The following SEMA7A variants were observed in gnomAD, a reference collection of about 807,000 sequenced individuals.
The protein encoded by SEMA7A is semaphorin 7A (JohnMiltonHagen blood group), also known as semaphorin-7A.
SEMA7A carries 21 observed loss-of-function variants against 67.5 expected under a neutral mutation model. The ratio of observed to expected loss-of-function variants is 0.31; its 90% CI spans 0.22 to 0.45. The LOEUF (loss-of-function observed/expected upper bound fraction) is 0.45. SEMA7A is among the 20% of genes least tolerant of loss of function. The probability of loss-of-function intolerance (pLI) is 1.00; values close to 1 mark genes in which losing one functional copy is unlikely to be tolerated. For missense variants in SEMA7A, 774 were observed against 908.6 expected (o/e 0.85, Z 1.90); for synonymous variants, 364 against 368.5 (o/e 0.99, Z 0.14).
chr15:74,414,532 G>C lies in SEMA7A; in HGVS notation c.1294+15C>G. The C allele has an allele frequency of 1.2e-6, 2 of 1,612,650 alleles. No homozygotes were observed. The highest frequency in any genetic ancestry group is 1.7e-5 in the Admixed American group (1 of 60,014). On this transcript the variant is annotated intron_variant, in intron 10 of 13. Coordinates refer to ENST00000261918, the MANE Select transcript of SEMA7A (RefSeq NM_003612.5). This position sits in a 1 kb window ranked among gnomAD's most constrained non-coding sequence, Gnocchi z 4.1. ...TTTTACAAAGCAAACTGAGGGTCCC[G>C]GGGTAGCCTCTCACCTGTAGTTAGG...
intron 6 of SEMA7A, 37 bp downstream of exon 6, chr15:74,417,298 C>G (rs772704790): frequency 6.5e-7 from 1 of 1,540,986 alleles, no homozygotes; most frequent in South Asian, 1.1e-5. Flanking sequence ...GCTCACACCC[C>G]CTTGCCCACC....
chr15:74,415,082 G>T, intron 8 of SEMA7A, 136 bp from the exon 9 acceptor site: 1 of 701,090 alleles, frequency 1.4e-6, no homozygotes. Flanking sequence ...GAGGAGGAAG[G>T]AGAGGAGTTC....
At position 74,419,333 on chromosome 15, in the gene SEMA7A, C is replaced by T. The variant is rs549911811; in HGVS notation, c.179-381G>A. ...AGGCAGGAGGACCAGGGCTCCTTGG[C>T]CATGCTCTGGGAGGTTCTCTGCTGC... On this transcript the variant is annotated intron_variant, in intron 1 of 13. Coordinates refer to ENST00000261918, the MANE Select transcript of SEMA7A (RefSeq NM_003612.5). 7.9e-4 allele frequency among the ~76,000 whole-genome samples: 120 copies of T among 152,266 alleles called. 1 individual carries two copies. The highest frequency in any genetic ancestry group is 2.2e-3 in the African/African-American group (93 of 41,542).
At chr15:74,433,541 C>T (rs1054156938) in intron 1 of SEMA7A, 200 bp downstream of exon 1, 3 of 1,208,494 alleles carry the variant, frequency 2.5e-6, no homozygotes, top group African/African-American at 3.2e-5. Context: ...CTCGCCGCAG[C>T]GTTACAGCCG....
chr15:74,416,778 C>T (rs1201710469), intron 6 of SEMA7A, 64 bp from the exon 7 acceptor site: 2 of 1,555,800 alleles, frequency 1.3e-6, no homozygotes, highest in Non-Finnish European at 1.8e-6. Flanking sequence ...CATCCCAACC[C>T]TGCACACTCT....
chr15:74,419,757 C>T (rs896581176), intron 1 of SEMA7A, among the ~76,000 whole-genome samples: 2 of 152,122 alleles, frequency 1.3e-5, no homozygotes, highest in East Asian at 1.9e-4. Context: ...GGGTGAAGAT[C>T]GGCTCTTCCT....
chr15:74,417,014 G>A (rs1024064216), intron 6 of SEMA7A, among the ~76,000 whole-genome samples: 9 of 152,178 alleles, frequency 5.9e-5, no homozygotes, highest in African/African-American at 2.2e-4. Context: ...AATTGGCAGA[G>A]CCCTGATGAG....
chr15:74,410,509 C>G lies in SEMA7A; in HGVS notation c.*115G>C, dbSNP rs2060889571. The G allele has an allele frequency of 1.4e-6, 2 of 1,440,516 alleles. No homozygotes were observed. Among genetic ancestry groups the G allele is most frequent in the Admixed American group, 4.5e-5 (2 of 44,012 alleles). 89.2% of individuals were successfully genotyped at this position (1,440,516 alleles called of 1,614,324 possible). On this transcript the variant is annotated 3_prime_UTR_variant, in exon 14 of 14. Transcript: ENST00000261918. The surrounding 1 kb of genome is among the most constrained non-coding windows in gnomAD (Gnocchi z 7.5). ...GCCTGGCATCCTCCACTGGGTTATT[C>G]TGTCCCCTGGAAGAAGTGGCAGGCA... is the stretch of plus-strand genomic sequence containing the variant.
intron 1 of SEMA7A, among the ~76,000 whole-genome samples, chr15:74,421,473 C>T (rs530866247): frequency 3.9e-5 from 6 of 152,248 alleles, no homozygotes; most frequent in African/African-American, 9.6e-5. Flanking sequence ...AGGGACTGTT[C>T]GTCCCATTTT....
chr15:74,417,201 A>G lies in SEMA7A; in HGVS notation c.661+134T>C, dbSNP rs2060957770. On this transcript the variant is annotated intron_variant, in intron 6 of 13. Coordinates refer to ENST00000261918, the MANE Select transcript of SEMA7A (RefSeq NM_003612.5). Reference sequence around the variant, plus strand: ...CAGCCAACCCTAACTTCTCAGGCCTATACCAAGGTCCTGCTTTCCTGCATG... The same window carrying G: ...CAGCCAACCCTAACTTCTCAGGCCTGTACCAAGGTCCTGCTTTCCTGCATG... 9.6e-6 allele frequency: 7 copies of G among 726,330 alleles called. No homozygotes were observed. In the Admixed American group the frequency reaches 1.4e-4, roughly 15 times the overall value. 45.0% of individuals were successfully genotyped at this position (726,330 alleles called of 1,614,324 possible).
At position 74,410,957 on chromosome 15, in the gene SEMA7A, C is replaced by T. The variant is rs779020867; in HGVS notation, c.1668G>A (p.Leu556=). 6.2e-7 allele frequency: 1 copy of T among 1,613,744 alleles called. No individual in the cohort carries two copies. The highest frequency in any genetic ancestry group is 1.7e-5 in the Admixed American group (1 of 60,012). Residue 556 remains leucine (L), a synonymous_variant, in exon 14 of 14, where the codon CTG becomes CTA. Transcript: ENST00000261918. The surrounding 1 kb of genome is among the most constrained non-coding windows in gnomAD (Gnocchi z 7.5). The part of the protein sequence containing the change: ...PDKAPLQKVS[L]APNSRYYLSC... ...TCAGGTAGTAGCGAGAGTTTGGGGC[C>T]AGGGAAACCTTCTGCAGTGGGGCCT...
rs1196532467 is a variant in SEMA7A at position 74,418,378 on chromosome 15, A to G, written c.331-69T>C. On this transcript the variant is annotated intron_variant, in intron 2 of 13. Transcript: ENST00000261918. ...GGTACCCCTGAAATGCTTTCCACAC[A>G]GCCTCAGGATAAGCCCCAAAGGAAG... is the stretch of plus-strand genomic sequence containing the variant. 6 of 1,485,182 alleles carry G rather than the reference A, an allele frequency of 4.0e-6. No homozygotes were observed. In the Admixed American group the frequency reaches 1.1e-4, roughly 27 times the overall value. 92.0% of individuals were successfully genotyped at this position (1,485,182 alleles called of 1,614,324 possible). A position where few individuals can be genotyped will look rare whatever the true frequency, so the allele number is the denominator to read the frequency against.
chr15:74,414,418 T>TGACA lies in SEMA7A; in HGVS notation c.1294+125_1294+128dup, dbSNP rs1404448010. On this transcript the variant is annotated intron_variant, in intron 10 of 13. Transcript: ENST00000261918. The surrounding 1 kb of genome is among the most constrained non-coding windows in gnomAD (Gnocchi z 4.1). ...TTCCACACCCACACACATTAACCCCTGACAACTCCAGTCACTCAATTATTC... is the reference window on the plus strand; with the variant it reads ...TTCCACACCCACACACATTAACCCCTGACAGACAACTCCAGTCACTCAATTATTC... The TGACA allele has an allele frequency of 1.7e-5, 17 of 1,017,812 alleles. No individual in the cohort carries two copies. In the African/African-American group the frequency reaches 2.4e-4, roughly 14 times the overall value. 63.0% of individuals were successfully genotyped at this position (1,017,812 alleles called of 1,614,324 possible).
chr15:74,430,094 C>G (rs1421404427), intron 1 of SEMA7A, among the ~76,000 whole-genome samples: 5 of 152,130 alleles, frequency 3.3e-5, no homozygotes, highest in Non-Finnish European at 7.4e-5. Context: ...TCACCAGATC[C>G]CCAAGCTCAT....
chr15:74,409,404 C>T lies in SEMA7A; in HGVS notation c.*1220G>A, dbSNP rs2060879626. On this transcript the variant is annotated 3_prime_UTR_variant, in exon 14 of 14. Coordinates refer to ENST00000261918, the MANE Select transcript of SEMA7A (RefSeq NM_003612.5). ...CCAGCCACTGCCCTGGGTGGCCAGA[C>T]ACAGCCGGAGAAGGGCCCAGCTCCC... The T allele has an allele frequency of 6.6e-6, 1 of 152,334 alleles. No individual in the cohort carries two copies. The allele number at this position is 152,334 out of a possible 1,614,324, so 9.4% of individuals were successfully genotyped here. A position where few individuals can be genotyped will look rare whatever the true frequency, so the allele number is the denominator to read the frequency against.
intron 3 of SEMA7A, 39 bp from the exon 4 acceptor site, chr15:74,418,008 G>C: frequency 3.7e-6 from 6 of 1,602,758 alleles, no homozygotes; most frequent in Non-Finnish European, 5.1e-6. Context: ...GAAATTGGTT[G>C]CTGGAAGGCC....
Position 74,411,297 on chromosome 15 carries a change from G to A in SEMA7A, c.1637C>T (p.Pro546Leu), listed in dbSNP as rs1292673200. ...EPHKECPNPKPDKAPLQKVSL... is the reference protein window; with the variant it reads ...EPHKECPNPKLDKAPLQKVSL... Reference sequence around the variant, plus strand: ...GCCAGCAGGGCCAGATCAGGTACCTGGTTTGGGGTTGGGACACTCCTTGTG... The same window carrying A: ...GCCAGCAGGGCCAGATCAGGTACCTAGTTTGGGGTTGGGACACTCCTTGTG... Residue 546 changes from proline to leucine, a missense_variant and splice_region_variant, in exon 13 of 14, where the codon CCA becomes CTA. Pro to Leu is a moderately conservative substitution (Grantham distance 98). This residue lies in a region of SEMA7A where 427 missense variants were observed against 555.4 expected (regional missense o/e 0.77). Transcript: ENST00000261918. The surrounding 1 kb of genome is among the most constrained non-coding windows in gnomAD (Gnocchi z 4.4). 6.2e-7 allele frequency: 1 copy of A among 1,614,000 alleles called. No individual in the cohort carries two copies.
rs1215795619 is a variant in SEMA7A at position 74,411,597 on chromosome 15, G to T, written c.1536C>A (p.Gly512=). 1 of 1,595,426 alleles carries T rather than the reference G, an allele frequency of 6.3e-7. No homozygotes were observed. The highest frequency in any genetic ancestry group is 1.7e-5 in the Admixed American group (1 of 57,468). ...TGGAGATGCAGCGGCCTTGGTCCCA[G>T]CCGCAGTAGGGGTCTCGGGACATGA... ...GCLMSRDPYC[G]WDQGRCISIY... Residue 512 remains glycine, a synonymous_variant, in exon 12 of 14, where the codon GGC becomes GGA. Transcript: ENST00000261918. This position sits in a 1 kb window ranked among gnomAD's most constrained non-coding sequence, Gnocchi z 4.4.
At chr15:74,416,750 G>C in intron 6 of SEMA7A, 36 bp from the exon 7 acceptor site, 1 of 1,606,456 alleles carries the variant, frequency 6.2e-7, no homozygotes, top group Non-Finnish European at 8.5e-7. Flanking sequence ...GTAAGGCTGG[G>C]AAGCTTGCCC....
Sources: gnomAD v4.1 joint callset for allele counts (sites outside exome capture counted in the v4.1 genomes callset) on GRCh38, gnomAD v4.1.1 for gene constraint, gnomAD v4.1.1 regional missense constraint, Gnocchi (gnomAD v3.1) non-coding constraint, MANE v1.5 for transcripts, NCBI Gene and HGNC (gene_info 2026-07-23, HGNC 2026-07-21) for gene names.